Variants in FERMT2 observed in about 807,000 individuals in gnomAD.
The protein encoded by FERMT2 is FERM domain containing kindlin 2, also known as fermitin family homolog 2.
A neutral mutation model predicts 82.7 loss-of-function variants in FERMT2; 15 were observed. That is an observed-to-expected ratio of 0.18 (90% CI 0.12 to 0.28). The LOEUF (loss-of-function observed/expected upper bound fraction) is 0.28. Ranked by LOEUF, FERMT2 falls within the 10% of genes least tolerant of loss-of-function variation. The pLI is 1.00. For synonymous variants in FERMT2, 274 were observed against 271.5 expected, an observed-to-expected ratio of 1.01 and a Z score of -0.09; for missense variants, 645 against 809.4, an observed-to-expected ratio of 0.80 and a Z score of 2.46.
rs568148805 is a variant in FERMT2 at position 52,874,124 on chromosome 14, G to A, written c.1148+53C>T. ...CAGTTAGTTTCAATAATGTGACCATGACTATAAAGCTGACAGTTATTAATA... is the reference window on the plus strand; with the variant it reads ...CAGTTAGTTTCAATAATGTGACCATAACTATAAAGCTGACAGTTATTAATA... On this transcript the variant is annotated intron_variant, in intron 9 of 14. Coordinates refer to ENST00000341590, the MANE Select transcript of FERMT2 (RefSeq NM_006832.3). 5.4e-5 allele frequency: 62 copies of A among 1,154,792 alleles called. 1 individual carries two copies. In the African/African-American group the frequency reaches 7.5e-4, roughly 14 times the overall value. The allele number at this position is 1,154,792 out of a possible 1,614,324, so 71.5% of individuals were successfully genotyped here.
chr14:52,865,841 A>G (rs1885243907), intron 10 of FERMT2, among the ~76,000 whole-genome samples: 1 of 152,212 alleles, frequency 6.6e-6, no homozygotes, highest in Non-Finnish European at 1.5e-5. Context: ...CACTTTAGAT[A>G]AAGGAGAGGC....
At chr14:52,865,253 G>A (rs1460309480) in intron 10 of FERMT2, among the ~76,000 whole-genome samples, 2 of 152,134 alleles carry the variant, frequency 1.3e-5, no homozygotes, top group South Asian at 2.1e-4. Flanking sequence ...CCTGTGAGGT[G>A]GAGGTTGCAG....
chr14:52,873,932 A>C (rs996393741), intron 9 of FERMT2, among the ~76,000 whole-genome samples: 1 of 151,754 alleles, frequency 6.6e-6, no homozygotes. Context: ...GTATGATGCA[A>C]TCTAGGTTTC....
At chr14:52,935,255 G>A (rs1889782528) in intron 2 of FERMT2, among the ~76,000 whole-genome samples, 1 of 152,138 alleles carries the variant, frequency 6.6e-6, no homozygotes, top group African/African-American at 2.4e-5. Flanking sequence ...CATTCAAACT[G>A]CAAACATATT....
At chr14:52,859,879 G>T (rs980130415) in intron 13 of FERMT2, 165 bp from the exon 14 acceptor site, 8 of 385,690 alleles carry the variant, frequency 2.1e-5, no homozygotes, top group Admixed American at 4.5e-5. Flanking sequence ...GTGCAGTGGC[G>T]CGATCTCAGC....
chr14:52,881,371 C>T lies in FERMT2; in HGVS notation c.625G>A (p.Gly209Ser). Residue 209 changes from glycine (G) to serine (S), a missense_variant, in exon 5 of 15, where the codon GGT (glycine) becomes AGT (serine). Transcript: ENST00000341590. ...TTGCCTTCTGACAAAGCACTGTCAC[C>T]AAACCAAGCAGAAGTTGGTGACAAG... ...SPLSPTSAWF[G>S]DSALSEGNPG... The T allele has an allele frequency of 6.2e-7, 1 of 1,613,774 alleles. No homozygotes were observed.
intron 2 of FERMT2, among the ~76,000 whole-genome samples, chr14:52,943,516 C>T (rs1890190328): frequency 6.6e-6 from 1 of 152,000 alleles, no homozygotes; most frequent in African/African-American, 2.4e-5. Context: ...ATTATTGGGA[C>T]AACTGGCAAA....
chr14:52,927,590 T>TAAAAAAAAA (rs1566755584), intron 2 of FERMT2, among the ~76,000 whole-genome samples: 10 of 11,810 alleles, frequency 8.5e-4, no homozygotes, highest in African/African-American at 2.3e-3. Context: ...ACCTCATCCC[T>TAAAAAAAAA]ATAAAAAAAA....
chr14:52,903,691 A>C (rs1887810759), intron 3 of FERMT2, among the ~76,000 whole-genome samples: 1 of 152,252 alleles, frequency 6.6e-6, no homozygotes, highest in Non-Finnish European at 1.5e-5. Context: ...AAAGGGCAGA[A>C]TAAAGAGAAA....
intron 2 of FERMT2, among the ~76,000 whole-genome samples, chr14:52,942,306 C>T (rs1442959549): frequency 1.4e-5 from 2 of 138,780 alleles, no homozygotes; most frequent in Non-Finnish European, 1.5e-5. Flanking sequence ...TTTTCTTTTT[C>T]TTTTTTTTTT....
intron 3 of FERMT2, among the ~76,000 whole-genome samples, chr14:52,900,307 A>C (rs981810002): frequency 1.3e-5 from 2 of 152,116 alleles, no homozygotes; most frequent in South Asian, 4.1e-4. Flanking sequence ...TGTTCATTAT[A>C]ATTAGCATGT....
At chr14:52,879,182 G>A (rs1050752240) in intron 6 of FERMT2, among the ~76,000 whole-genome samples, 11 of 152,128 alleles carry the variant, frequency 7.2e-5, no homozygotes, top group African/African-American at 2.7e-4. Flanking sequence ...CTTGGAAACG[G>A]CAGTTATTTT....
intron 4 of FERMT2, among the ~76,000 whole-genome samples, chr14:52,892,447 CTGT>C (rs1284860328): frequency 5.3e-4 from 20 of 38,074 alleles, no homozygotes; most frequent in African/African-American, 9.9e-4. Context: ...CCGCCTGGTG[CTGT>C]TTTTTGTTTT....
Position 52,919,356 on chromosome 14 carries a change from T to C in FERMT2, c.158A>G (p.Asp53Gly). The C allele has an allele frequency of 6.3e-7, 1 of 1,579,520 alleles. No individual in the cohort carries two copies. The highest frequency in any genetic ancestry group is 8.6e-7 in the Non-Finnish European group (1 of 1,161,074). Residue 53 changes from aspartate (D) to glycine (G), a missense_variant and splice_region_variant, in exon 3 of 15, where the codon GAT becomes GGT. Coordinates refer to ENST00000341590, the MANE Select transcript of FERMT2 (RefSeq NM_006832.3). ...ATGGTCAGACCAATCTTTTTTTACATCTATAAAAAACAAACAATAAACAAA... is the reference window on the plus strand; with the variant it reads ...ATGGTCAGACCAATCTTTTTTTACACCTATAAAAAACAAACAATAAACAAA... ...GVMLKLVEKL[D>G]VKKDWSDHAL...
At chr14:52,878,413 AT>A (rs1480319596) in intron 7 of FERMT2, among the ~76,000 whole-genome samples, 168 bp downstream of exon 7, 1 of 152,230 alleles carries the variant, frequency 6.6e-6, no homozygotes, top group Non-Finnish European at 1.5e-5. Context: ...AAGATAAAAA[AT>A]CAAACTAAAA....
At chr14:52,869,413 T>C (rs1283543972) in intron 10 of FERMT2, among the ~76,000 whole-genome samples, 1 of 152,180 alleles carries the variant, frequency 6.6e-6, no homozygotes, top group African/African-American at 2.4e-5. Context: ...TGAAATACGG[T>C]AAATCTATCC....
At chr14:52,927,592 T>TA (rs71125150) in intron 2 of FERMT2, among the ~76,000 whole-genome samples, 10,322 of 33,664 alleles carry the variant, frequency 0.31, 2,829 homozygotes, top group East Asian at 0.42. Flanking sequence ...CTCATCCCTA[T>TA]AAAAAAAAAA....
At chr14:52,865,638 T>C (rs1419265365) in intron 10 of FERMT2, among the ~76,000 whole-genome samples, 1 of 152,184 alleles carries the variant, frequency 6.6e-6, no homozygotes, top group Non-Finnish European at 1.5e-5. Flanking sequence ...AAGAATGACA[T>C]GAACAAAGCA....
At chr14:52,866,725 C>G (rs1165537753) in intron 10 of FERMT2, among the ~76,000 whole-genome samples, 1 of 152,188 alleles carries the variant, frequency 6.6e-6, no homozygotes, top group Non-Finnish European at 1.5e-5. Flanking sequence ...TACAATGTCA[C>G]TTGGTCTCAA....
Sources: allele counts gnomAD v4.1 joint callset (sites outside exome capture counted in the v4.1 genomes callset), GRCh38; gene constraint gnomAD v4.1.1; transcripts MANE v1.5; gene names NCBI Gene and HGNC (gene_info 2026-07-23, HGNC 2026-07-21).